DYRK1A: variants seen among roughly 807,000 people sequenced by gnomAD.
DYRK1A encodes dual specificity tyrosine-phosphorylation-regulated kinase 1A.
A neutral mutation model predicts 79.7 loss-of-function variants in DYRK1A; 9 were observed. The ratio of observed to expected loss-of-function variants is 0.11; its 90% CI spans 0.07 to 0.20. The LOEUF is 0.20. Ranked by LOEUF, DYRK1A falls within the 10% of genes least tolerant of loss-of-function variation. DYRK1A has a pLI of 1.00. For missense variants in DYRK1A, 622 were observed against 956.0 expected (o/e 0.65, Z 4.61); for synonymous variants, 349 against 329.7 (o/e 1.06, Z -0.63).
chr21:37,424,189 C>T (rs750939057), intron 2 of DYRK1A, among the ~76,000 whole-genome samples: 2 of 152,104 alleles, frequency 1.3e-5, no homozygotes, highest in Non-Finnish European at 2.9e-5. Flanking sequence ...TGATCTTTTT[C>T]TTTGTCTGTG....
chr21:37,495,031 TTA>T (rs2053218482), intron 8 of DYRK1A, among the ~76,000 whole-genome samples: 1 of 152,088 alleles, frequency 6.6e-6, no homozygotes, highest in Non-Finnish European at 1.5e-5. Context: ...GCAGGAATTT[TTA>T]TGTTTTGTTT....
At chr21:37,442,322 C>T (rs902488198) in intron 2 of DYRK1A, among the ~76,000 whole-genome samples, 6 of 151,990 alleles carry the variant, frequency 3.9e-5, no homozygotes, top group Admixed American at 6.6e-5. Context: ...CTGTCAGGAA[C>T]TTTAGTTACA....
chr21:37,366,205 G>C (rs1205841219), upstream of DYRK1A: 1 of 150,810 alleles, frequency 6.6e-6, no homozygotes, highest in Non-Finnish European at 1.5e-5. Context: ...CTCCAGGCCC[G>C]GGCGCGCGGG....
intron 1 of DYRK1A, among the ~76,000 whole-genome samples, chr21:37,404,957 A>T (rs1378095649): frequency 6.6e-6 from 1 of 152,192 alleles, no homozygotes; most frequent in Non-Finnish European, 1.5e-5. Flanking sequence ...CAGTATAAGC[A>T]AGTATCCAGC....
chr21:37,423,509 A>C (rs2050532792), intron 2 of DYRK1A, among the ~76,000 whole-genome samples: 1 of 152,206 alleles, frequency 6.6e-6, no homozygotes, highest in Non-Finnish European at 1.5e-5. Context: ...GTATATGAAC[A>C]TAAAGACTTT....
At chr21:37,428,134 T>A (rs2050678722) in intron 2 of DYRK1A, among the ~76,000 whole-genome samples, 1 of 152,178 alleles carries the variant, frequency 6.6e-6, no homozygotes, top group South Asian at 2.1e-4. Context: ...GGGAGCAAAT[T>A]CAGGGCCTGT....
intron 1 of DYRK1A, among the ~76,000 whole-genome samples, chr21:37,404,822 A>G (rs765859320): frequency 1.4e-4 from 22 of 152,354 alleles, no homozygotes; most frequent in Non-Finnish European, 2.6e-4. Flanking sequence ...TTACTGTTTA[A>G]TAGCCGTTAG....
intron 2 of DYRK1A, among the ~76,000 whole-genome samples, chr21:37,459,145 CTG>C (rs991314664): frequency 6.6e-6 from 1 of 152,198 alleles, no homozygotes; most frequent in African/African-American, 2.4e-5. Context: ...GCTGTGGTCA[CTG>C]TCATTTTTCT....
chr21:37,440,118 T>C (rs1474109326), intron 2 of DYRK1A, among the ~76,000 whole-genome samples: 2 of 147,280 alleles, frequency 1.4e-5, no homozygotes, highest in Middle Eastern at 3.2e-3. Context: ...TTGACTTTGA[T>C]TTTGTTTGCT....
Position 37,512,055 on chromosome 21 carries a change from T to A in DYRK1A, c.1789T>A (p.Ser597Thr), listed in dbSNP as rs2053766012. 1 of 1,613,844 alleles carries A rather than the reference T, an allele frequency of 6.2e-7. No individual in the cohort carries two copies. The highest frequency in any genetic ancestry group is 8.5e-7 in the Non-Finnish European group (1 of 1,179,930). Residue 597 changes from serine to threonine, a missense_variant, in exon 12 of 12, where the codon TCC becomes ACC. Transcript: ENST00000647188. ...NALHHHHGNS[S>T]HHHHHHHHHH... is the part of the protein sequence containing the mutation. Reference sequence around the variant, plus strand: ...ATTGCATCATCACCATGGTAACAGTTCCCATCACCATCACCACCACCACCA... The same window carrying A: ...ATTGCATCATCACCATGGTAACAGTACCCATCACCATCACCACCACCACCA...
intron 3 of DYRK1A, among the ~76,000 whole-genome samples, chr21:37,475,345 A>G (rs1460923391): frequency 1.3e-5 from 2 of 152,212 alleles, no homozygotes; most frequent in East Asian, 3.8e-4. Flanking sequence ...AGCTTGCTCT[A>G]TTACTGTACA....
At chr21:37,366,574 C>G (rs1223597912), upstream of DYRK1A, among the ~76,000 whole-genome samples, 1 of 151,528 alleles carries the variant, frequency 6.6e-6, no homozygotes, top group East Asian at 2.0e-4. Context: ...GTAGCGGACC[C>G]GAGCTCCGAA....
At chr21:37,378,088 G>A (rs1013476720) in intron 1 of DYRK1A, among the ~76,000 whole-genome samples, 1 of 152,168 alleles carries the variant, frequency 6.6e-6, no homozygotes, top group Non-Finnish European at 1.5e-5. Flanking sequence ...TTAGATTTTT[G>A]TGAATGTAAT....
At chr21:37,507,624 T>A (rs1012548656) in intron 11 of DYRK1A, among the ~76,000 whole-genome samples, 3 of 152,098 alleles carry the variant, frequency 2.0e-5, no homozygotes, top group Non-Finnish European at 2.9e-5. Context: ...TTTGAAACAC[T>A]CACTGCTGGT....
chr21:37,417,544 T>TTTTTTTTTA (rs2148423121), intron 1 of DYRK1A, among the ~76,000 whole-genome samples: 1 of 127,550 alleles, frequency 7.8e-6, no homozygotes, highest in Non-Finnish European at 1.7e-5. Context: ...TTTTTTTTTT[T>TTTTTTTTTA]TTTTTTTTTT....
intron 1 of DYRK1A, among the ~76,000 whole-genome samples, chr21:37,401,668 A>T (rs1602410366): frequency 1.3e-5 from 2 of 152,070 alleles, no homozygotes; most frequent in African/African-American, 2.4e-5. Flanking sequence ...TTATTAGTAG[A>T]GACAGGGTTT....
chr21:37,510,735 A>T (rs1160244602), intron 11 of DYRK1A, among the ~76,000 whole-genome samples: 1 of 151,860 alleles, frequency 6.6e-6, no homozygotes, highest in African/African-American at 2.4e-5. Flanking sequence ...ACCTTGCCCT[A>T]GGGCCTACTT....
chr21:37,413,388 T>G (rs1448192439), intron 1 of DYRK1A, among the ~76,000 whole-genome samples: 1 of 152,098 alleles, frequency 6.6e-6, no homozygotes, highest in Non-Finnish European at 1.5e-5. Flanking sequence ...TGCAAATCAA[T>G]TATATATTTA....
intron 1 of DYRK1A, among the ~76,000 whole-genome samples, chr21:37,394,516 C>T (rs2049926450): frequency 6.6e-6 from 1 of 152,030 alleles, no homozygotes; most frequent in Admixed American, 6.5e-5. Flanking sequence ...GGTCTGTGGC[C>T]TGTTAGGAAT....
Sources: allele counts gnomAD v4.1 joint callset (sites outside exome capture counted in the v4.1 genomes callset), GRCh38; gene constraint gnomAD v4.1.1; transcripts MANE v1.5; gene names NCBI Gene and HGNC (gene_info 2026-07-23, HGNC 2026-07-21).